The following CTNND1 variants were observed in gnomAD, a reference collection of about 807,000 sequenced individuals.
CTNND1 encodes the protein catenin delta 1, also known as catenin delta-1.
Under a neutral mutation model 112.1 loss-of-function variants are expected in CTNND1, and 16 were observed. That is an observed-to-expected ratio of 0.14 (90% CI 0.10 to 0.22). CTNND1 has a LOEUF of 0.22. Ranked by LOEUF, CTNND1 falls within the 10% of genes least tolerant of loss-of-function variation. The probability of loss-of-function intolerance (pLI) is 1.00; values close to 1 mark genes in which losing one functional copy is unlikely to be tolerated. For missense variants in CTNND1, 1,008 were observed against 1,257.0 expected, an observed-to-expected ratio of 0.80 and a Z score of 3.00; for synonymous variants, 420 against 446.5, an observed-to-expected ratio of 0.94 and a Z score of 0.75.
Position 57,791,675 on chromosome 11 carries a change from T to TA in CTNND1, c.195+4dup. 4 of 1,555,098 alleles carry TA rather than the reference T, an allele frequency of 2.6e-6. No individual in the cohort carries two copies. The highest frequency in any genetic ancestry group is 3.5e-6 in the Non-Finnish European group (4 of 1,146,124). On this transcript the variant is annotated splice_region_variant and intron_variant, in intron 3 of 20. Transcript: ENST00000399050. ...GGCACACTCACCCGCCGGCATCAGG[T>TA]AACCCCTCTCTCCATCAGACGTGCA...
At chr11:57,762,204 T>C (rs924346640) in intron 1 of CTNND1, 85 bp downstream of exon 1, 5 of 601,108 alleles carry the variant, frequency 8.3e-6, no homozygotes, top group Admixed American at 6.3e-5. Context: ...CTACTTTCAG[T>C]ACTTTGGCGG....
chr11:57,804,833 T>C (rs2062446339), intron 9 of CTNND1, 53 bp downstream of exon 9: 2 of 1,317,310 alleles, frequency 1.5e-6, no homozygotes, highest in East Asian at 4.7e-5. Flanking sequence ...ACCACAACTA[T>C]GAAGTATCTG....
intron 6 of CTNND1, among the ~76,000 whole-genome samples, chr11:57,799,656 A>T (rs1021484681): frequency 4.6e-5 from 7 of 152,248 alleles, no homozygotes; most frequent in Non-Finnish European, 1.0e-4. Context: ...TGTAAAACAA[A>T]GGAAAGAATG....
At chr11:57,792,438 C>T (rs754149527) in intron 3 of CTNND1, among the ~76,000 whole-genome samples, 13 of 152,280 alleles carry the variant, frequency 8.5e-5, no homozygotes, top group African/African-American at 2.6e-4. Context: ...CGTGTGTGCG[C>T]GCGCACTCGC....
In CTNND1 at chr11:57,818,250, C is replaced by G. The variant is rs974426501; in HGVS notation, c.*1942C>G. 6 of 151,892 alleles carry G rather than the reference C, an allele frequency of 4.0e-5. No individual in the cohort carries two copies. Among genetic ancestry groups the G allele is most frequent in the Non-Finnish European group, 8.8e-5 (6 of 67,872 alleles). 9.4% of individuals were successfully genotyped at this position (151,892 alleles called of 1,614,324 possible). On this transcript the variant is annotated 3_prime_UTR_variant, in exon 21 of 21. Coordinates refer to ENST00000399050, the MANE Select transcript of CTNND1 (RefSeq NM_001085458.2). ...AGAACAGCCGTGGGCTTTTGGGGAC[C>G]TTTAACTTTTTTTTCTCTCTTTTGT...
chr11:57,799,979 GTTTTTTTTTTTTTTTTT>G (rs1157141511), intron 6 of CTNND1, among the ~76,000 whole-genome samples: 6 of 58,834 alleles, frequency 1.0e-4, no homozygotes, highest in African/African-American at 4.1e-4. Context: ...TTGTTTCCGT[GTTTTTTTTTTTTTTTTT>G]TTTTTTTTTG....
intron 6 of CTNND1, among the ~76,000 whole-genome samples, chr11:57,800,202 T>G (rs1242937253): frequency 6.6e-6 from 1 of 152,052 alleles, no homozygotes; most frequent in Non-Finnish European, 1.5e-5. Flanking sequence ...GACAACCAAT[T>G]TTGTTTTACC....
At chr11:57,763,781 C>CT (rs1376067901) in intron 1 of CTNND1, 2 of 152,096 alleles carry the variant, frequency 1.3e-5, no homozygotes, top group African/African-American at 4.8e-5. Flanking sequence ...CCCACTCAAC[C>CT]TTTAGGGGGA....
chr11:57,765,460 A>ATTTT (rs5792061), intron 1 of CTNND1, among the ~76,000 whole-genome samples: 42 of 105,586 alleles, frequency 4.0e-4, no homozygotes, highest in East Asian at 5.7e-4. Context: ...TCCTCCCTTA[A>ATTTT]TTTTTTTTTT....
At chr11:57,778,393 G>A (rs1210930600) in intron 1 of CTNND1, among the ~76,000 whole-genome samples, 1 of 152,188 alleles carries the variant, frequency 6.6e-6, no homozygotes, top group Non-Finnish European at 1.5e-5. Flanking sequence ...AATGGGATGT[G>A]TCACATGTAG....
intron 7 of CTNND1, among the ~76,000 whole-genome samples, chr11:57,803,108 G>A (rs1365711416): frequency 6.6e-6 from 1 of 152,066 alleles, no homozygotes; most frequent in African/African-American, 2.4e-5. Context: ...ATTGCTTATA[G>A]TTTTGTTTGT....
chr11:57,798,498 G>A (rs2061625975), intron 6 of CTNND1, among the ~76,000 whole-genome samples: 1 of 152,184 alleles, frequency 6.6e-6, no homozygotes, highest in Non-Finnish European at 1.5e-5. Flanking sequence ...CCTCACAAGG[G>A]CCTTGACATT....
intron 1 of CTNND1, among the ~76,000 whole-genome samples, chr11:57,781,886 C>T (rs2059625080): frequency 1.3e-5 from 2 of 152,152 alleles, no homozygotes; most frequent in South Asian, 4.1e-4. Flanking sequence ...CCACACCCTT[C>T]CTTGGCTTCA....
chr11:57,813,617 A>G (rs2063620761), intron 17 of CTNND1, among the ~76,000 whole-genome samples: 1 of 152,252 alleles, frequency 6.6e-6, no homozygotes. Flanking sequence ...ACTAATTAGT[A>G]TACTATTAAA....
intron 6 of CTNND1, among the ~76,000 whole-genome samples, chr11:57,799,331 T>C (rs2061724143): frequency 1.3e-5 from 2 of 152,208 alleles, no homozygotes; most frequent in African/African-American, 4.8e-5. Context: ...TAAAGAGTGA[T>C]TGGACCCAGA....
chr11:57,762,032 A>G lies in CTNND1; in HGVS notation c.-301A>G, dbSNP rs899934315. Reference sequence around the variant, plus strand: ...TCTTTCTTAAAGGACTGATTTTTAGAACTCCACATTTGAGGTGTGTGGCTT... The same window carrying G: ...TCTTTCTTAAAGGACTGATTTTTAGGACTCCACATTTGAGGTGTGTGGCTT... On this transcript the variant is annotated 5_prime_UTR_variant, in exon 1 of 21. Transcript: ENST00000399050. 1.6e-5 allele frequency: 16 copies of G among 985,324 alleles called. No individual in the cohort carries two copies. In the African/African-American group the frequency reaches 2.8e-4, roughly 17 times the overall value. The allele number at this position is 985,324 out of a possible 1,614,324, so 61.0% of individuals were successfully genotyped here. A position where few individuals can be genotyped will look rare whatever the true frequency, so the allele number is the denominator to read the frequency against.
chr11:57,781,316 C>T (rs2059556346), intron 1 of CTNND1, among the ~76,000 whole-genome samples: 1 of 152,120 alleles, frequency 6.6e-6, no homozygotes. Context: ...TAAGCTTTTC[C>T]ATGAATATTT....
intron 4 of CTNND1, among the ~76,000 whole-genome samples, chr11:57,794,356 A>G (rs908738086): frequency 1.3e-5 from 2 of 152,192 alleles, no homozygotes; most frequent in African/African-American, 4.8e-5. Flanking sequence ...TTCTAGAGAC[A>G]GTAGGCTTCT....
At chr11:57,779,807 ATTTT>A in intron 1 of CTNND1, among the ~76,000 whole-genome samples, 1 of 152,046 alleles carries the variant, frequency 6.6e-6, no homozygotes. Context: ...AAGGTAGGTA[ATTTT>A]TACAGAGTAG....
Sources: gnomAD v4.1 joint callset for allele counts (sites outside exome capture counted in the v4.1 genomes callset) on GRCh38, gnomAD v4.1.1 for gene constraint, MANE v1.5 for transcripts, NCBI Gene and HGNC (gene_info 2026-07-23, HGNC 2026-07-21) for gene names.